Variants in CFAP95 observed in about 807,000 individuals in gnomAD.
The protein encoded by CFAP95 is cilia and flagella associated protein 95, also known as cilia- and flagella-associated protein 95.
chr9:69,871,208 AC>A, the CFAP95 span, among the ~76,000 whole-genome samples: 1 of 151,972 alleles, frequency 6.6e-6, no homozygotes, highest in South Asian at 2.1e-4. Context: ...ACAGAGGGAG[AC>A]TCTGTCTCAA....
chr9:69,868,350 C>CAA, the CFAP95 span, among the ~76,000 whole-genome samples: 3 of 151,468 alleles, frequency 2.0e-5, no homozygotes, highest in Non-Finnish European at 2.9e-5. Flanking sequence ...CTACATCAAA[C>CAA]AAAAAAAAGC....
At chr9:69,874,571 C>CT in the CFAP95 span, among the ~76,000 whole-genome samples, 1 of 152,172 alleles carries the variant, frequency 6.6e-6, no homozygotes, top group Non-Finnish European at 1.5e-5. Context: ...AAGAGCCTGA[C>CT]TTCAGAGATG....
chr9:69,870,293 G>T, the CFAP95 span, among the ~76,000 whole-genome samples: 3 of 152,170 alleles, frequency 2.0e-5, no homozygotes, highest in Non-Finnish European at 1.5e-5. Flanking sequence ...GTATGAGACA[G>T]AAAAACAACC....
the CFAP95 span, chr9:69,857,862 A>G: frequency 6.4e-7 from 1 of 1,559,142 alleles, no homozygotes; most frequent in East Asian, 2.3e-5. Flanking sequence ...GAAAGTTTAC[A>G]CATTACACTC....
chr9:69,840,241 C>T, the CFAP95 span, among the ~76,000 whole-genome samples: 1 of 151,940 alleles, frequency 6.6e-6, no homozygotes, highest in Non-Finnish European at 1.5e-5. Flanking sequence ...GCAAGTCGTT[C>T]GATGACTAAA....
the CFAP95 span, among the ~76,000 whole-genome samples, chr9:69,829,381 C>T: frequency 6.6e-6 from 1 of 152,100 alleles, no homozygotes; most frequent in African/African-American, 2.4e-5. Flanking sequence ...GTGCCATGAC[C>T]TTTGTGTGAA....
the CFAP95 span, among the ~76,000 whole-genome samples, chr9:69,905,160 T>A: frequency 0.13 from 20,221 of 152,188 alleles, 1,845 homozygotes; most frequent in African/African-American, 0.26. Context: ...TATATGATGA[T>A]AATTTTCAAT....
At chr9:69,906,039 G>A in the CFAP95 span, 3 of 1,613,200 alleles carry the variant, frequency 1.9e-6, no homozygotes, top group African/African-American at 1.3e-5. Flanking sequence ...AAAAGATTTG[G>A]CATCAACACT....
the CFAP95 span, among the ~76,000 whole-genome samples, chr9:69,841,074 T>C: frequency 1.5e-4 from 22 of 149,426 alleles, no homozygotes; most frequent in African/African-American, 5.2e-4. Context: ...ATAAATATCT[T>C]TGCTTTCTTG....
chr9:69,870,213 C>A, the CFAP95 span, among the ~76,000 whole-genome samples: 1 of 152,038 alleles, frequency 6.6e-6, no homozygotes, highest in Non-Finnish European at 1.5e-5. Context: ...TTAATGACTG[C>A]ATACTATTTA....
At chr9:69,871,259 A>C in the CFAP95 span, among the ~76,000 whole-genome samples, 1 of 152,002 alleles carries the variant, frequency 6.6e-6, no homozygotes, top group Admixed American at 6.6e-5. Flanking sequence ...GGCAGGGAGG[A>C]GCAGGACCTA....
chr9:69,840,669 A>G, the CFAP95 span, among the ~76,000 whole-genome samples: 4 of 152,168 alleles, frequency 2.6e-5, no homozygotes, highest in African/African-American at 9.7e-5. Context: ...GACATATCTT[A>G]TATTTTATTT....
the CFAP95 span, among the ~76,000 whole-genome samples, chr9:69,859,761 C>T: frequency 6.6e-6 from 1 of 152,176 alleles, no homozygotes; most frequent in African/African-American, 2.4e-5. Context: ...TGTACTTACA[C>T]AAACCAGATG....
chr9:69,826,473 T>C, the CFAP95 span, among the ~76,000 whole-genome samples: 1 of 152,174 alleles, frequency 6.6e-6, no homozygotes, highest in African/African-American at 2.4e-5. Flanking sequence ...CCAACACACA[T>C]TCGAGAACTA....
chr9:69,883,832 C>A, the CFAP95 span, among the ~76,000 whole-genome samples: 39 of 8,698 alleles, frequency 4.5e-3, no homozygotes, highest in African/African-American at 5.0e-3. Context: ...TAAAAAAAAA[C>A]AATTAAAAAA....
the CFAP95 span, among the ~76,000 whole-genome samples, chr9:69,879,934 C>G: frequency 6.6e-6 from 1 of 151,910 alleles, no homozygotes; most frequent in African/African-American, 2.4e-5. Context: ...ATTTTGGTCT[C>G]TCACATCACA....
the CFAP95 span, chr9:69,887,029 G>T: frequency 1.6e-6 from 1 of 634,610 alleles, no homozygotes; most frequent in Non-Finnish European, 2.7e-6. Flanking sequence ...TGAGATATTA[G>T]CTGTTTATTG....
chr9:69,828,631 C>T, the CFAP95 span, among the ~76,000 whole-genome samples: 4 of 152,104 alleles, frequency 2.6e-5, no homozygotes, highest in Non-Finnish European at 4.4e-5. Flanking sequence ...TGCAGTGAGC[C>T]GAGACTGAGC....
chr9:69,879,395 G>A, the CFAP95 span, among the ~76,000 whole-genome samples: 1 of 152,166 alleles, frequency 6.6e-6, no homozygotes, highest in Non-Finnish European at 1.5e-5. Context: ...AAGCTGGGAA[G>A]AGAAAGTCTC....
Sources: allele counts gnomAD v4.1 joint callset (sites outside exome capture counted in the v4.1 genomes callset), GRCh38; gene constraint gnomAD v4.1.1; transcripts MANE v1.5; gene names NCBI Gene and HGNC (gene_info 2026-07-23, HGNC 2026-07-21).